Variants in CARMIL1 observed in about 807,000 individuals in gnomAD.
CARMIL1 encodes F-actin-uncapping protein LRRC16A.
In CARMIL1, 90 loss-of-function variants were observed where a neutral mutation model predicts 177.1. The observed-to-expected ratio is 0.51, with a 90% confidence interval of 0.43 to 0.61. CARMIL1 has a LOEUF of 0.61. CARMIL1 is among the 20% of genes least tolerant of loss of function. The probability of loss-of-function intolerance (pLI) is 0.00; values close to 1 mark genes in which losing one functional copy is unlikely to be tolerated. For missense variants in CARMIL1, 1,380 were observed against 1,667.0 expected, an observed-to-expected ratio of 0.83 and a Z score of 3.00; for synonymous variants, 577 against 606.2, an observed-to-expected ratio of 0.95 and a Z score of 0.71.
chr6:25,523,332 T>A (rs768784139), intron 23 of CARMIL1, among the ~76,000 whole-genome samples: 1 of 152,214 alleles, frequency 6.6e-6, no homozygotes. Context: ...GCTGACAATA[T>A]GTAATTCTTA....
intron 8 of CARMIL1, chr6:25,452,283 A>C: frequency 1.3e-6 from 1 of 755,430 alleles, no homozygotes; most frequent in Non-Finnish European, 2.4e-6. Flanking sequence ...AGGCAACTTT[A>C]TACTTTCAAA....
At chr6:25,415,661 A>G (rs1008253667) in intron 2 of CARMIL1, among the ~76,000 whole-genome samples, 2 of 152,194 alleles carry the variant, frequency 1.3e-5, no homozygotes, top group Non-Finnish European at 2.9e-5. Flanking sequence ...TAATCACTTA[A>G]TAGCCAATAT....
intron 29 of CARMIL1, among the ~76,000 whole-genome samples, chr6:25,576,377 C>T (rs1812587976): frequency 6.6e-6 from 1 of 152,142 alleles, no homozygotes; most frequent in South Asian, 2.1e-4. Flanking sequence ...GTAACTTGTG[C>T]TGAATCCTGT....
intron 2 of CARMIL1, among the ~76,000 whole-genome samples, chr6:25,374,426 G>T (rs1412924093): frequency 6.6e-6 from 1 of 152,114 alleles, no homozygotes; most frequent in Non-Finnish European, 1.5e-5. Context: ...ATTTATCAAG[G>T]CTTGTTTTGT....
intron 2 of CARMIL1, among the ~76,000 whole-genome samples, chr6:25,330,424 G>C (rs901817138): frequency 3.3e-5 from 5 of 152,224 alleles, no homozygotes; most frequent in African/African-American, 1.2e-4. Flanking sequence ...CAGGGAAGAA[G>C]GGGAGAGATG....
In CARMIL1 at chr6:25,601,288, C is replaced by T. The variant is rs943624974; in HGVS notation, c.3552+542C>T. On this transcript the variant is annotated intron_variant, in intron 33 of 36. Transcript: ENST00000329474. ...TGAGGGTCACAGTCTTGTGGAGTGC[C>T]GGCATTCTAACATAGGCTTTGAAGA... is the stretch of plus-strand genomic sequence containing the variant. 9.9e-5 allele frequency among the ~76,000 whole-genome samples: 15 copies of T among 152,278 alleles called. No individual in the cohort carries two copies. In the South Asian group the frequency reaches 1.2e-3, roughly 13 times the overall value.
At chr6:25,512,503 G>T (rs185908823) in intron 20 of CARMIL1, among the ~76,000 whole-genome samples, 63 of 152,234 alleles carry the variant, frequency 4.1e-4, no homozygotes, top group African/African-American at 1.3e-3. Context: ...ATTAGGAGAT[G>T]AGTCTTGTGA....
At chr6:25,494,965 T>C in intron 15 of CARMIL1, 146 bp from the exon 16 acceptor site, 1 of 571,836 alleles carries the variant, frequency 1.7e-6, no homozygotes, top group Non-Finnish European at 3.1e-6. Context: ...TTTATGGCTT[T>C]AGGTTTTGGA....
At chr6:25,604,614 C>T (rs544418844) in intron 33 of CARMIL1, among the ~76,000 whole-genome samples, 198 bp from the exon 34 acceptor site, 54 of 152,280 alleles carry the variant, frequency 3.5e-4, no homozygotes, top group Admixed American at 1.1e-3. Context: ...GAGTCCTGAC[C>T]GTAAACACAG....
At chr6:25,483,262 C>A (rs1323882437) in intron 12 of CARMIL1, among the ~76,000 whole-genome samples, 2 of 149,632 alleles carry the variant, frequency 1.3e-5, no homozygotes, top group Non-Finnish European at 3.0e-5. Context: ...CTTAAGAAAG[C>A]CACTGTCTTT....
rs370432106 is a variant in CARMIL1 at position 25,471,162 on chromosome 6, G to T, written c.691-7G>T. On this transcript the variant is annotated splice_region_variant and splice_polypyrimidine_tract_variant and intron_variant, in intron 9 of 36. Coordinates refer to ENST00000329474, the MANE Select transcript of CARMIL1 (RefSeq NM_017640.6). ...ATGGAATAGTCAAAGAATGTTTTCT[G>T]TTACAGTCCACTGATGTCTGTGAAC... 5 of 1,585,932 alleles carry T rather than the reference G, an allele frequency of 3.2e-6. No individual in the cohort carries two copies. Among genetic ancestry groups the T allele is most frequent in the Admixed American group, 1.8e-5 (1 of 56,838 alleles).
At position 25,449,936 on chromosome 6, in the gene CARMIL1, G is replaced by A. The variant is rs555687744; in HGVS notation, c.410G>A (p.Arg137His). The change falls in exon 6 of 37, where the codon CGC becomes CAC. Residue 137 changes from arginine (R) to histidine (H), a missense_variant. Coordinates refer to ENST00000329474, the MANE Select transcript of CARMIL1 (RefSeq NM_017640.6). Reference sequence around the variant, plus strand: ...AAAGTCTCCATGGAGCCATCTGAGCGCCTGGCTAGTCTCCAGGCGCTGTGG... The same window carrying A: ...AAAGTCTCCATGGAGCCATCTGAGCACCTGGCTAGTCTCCAGGCGCTGTGG... The part of the protein sequence containing the change: ...MKKVSMEPSE[R>H]LASLQALWDS... The A allele has an allele frequency of 5.0e-5, 80 of 1,611,528 alleles. No individual in the cohort carries two copies. The highest frequency in any genetic ancestry group is 1.7e-4 in the Middle Eastern group (1 of 6,046).
chr6:25,532,696 G>A (rs1807891223), intron 24 of CARMIL1, among the ~76,000 whole-genome samples: 1 of 152,142 alleles, frequency 6.6e-6, no homozygotes, highest in Non-Finnish European at 1.5e-5. Context: ...ATTTGTTTTT[G>A]TCTGGTGACT....
At chr6:25,441,337 A>ATATATATATATATATATATATATATG in intron 5 of CARMIL1, among the ~76,000 whole-genome samples, 10 of 94,538 alleles carry the variant, frequency 1.1e-4, no homozygotes, top group African/African-American at 3.9e-4. Flanking sequence ...ATATATATAT[A>ATATATATATATATATATATATATATG]TGTGTGTGTG....
chr6:25,592,891 T>A (rs1313546952), intron 31 of CARMIL1, among the ~76,000 whole-genome samples: 1 of 152,172 alleles, frequency 6.6e-6, no homozygotes, highest in African/African-American at 2.4e-5. Context: ...CCACAACCTA[T>A]CTGTGAAATA....
chr6:25,386,257 T>G (rs762431000), intron 2 of CARMIL1, among the ~76,000 whole-genome samples: 4 of 152,164 alleles, frequency 2.6e-5, no homozygotes, highest in Non-Finnish European at 5.9e-5. Context: ...TGTGTGTGTG[T>G]GGGGTGGGTG....
chr6:25,434,144 G>A (rs556770809), intron 4 of CARMIL1, among the ~76,000 whole-genome samples: 19 of 152,188 alleles, frequency 1.2e-4, no homozygotes, highest in African/African-American at 3.9e-4. Flanking sequence ...TCAAGCAATC[G>A]TCCTGCCTCA....
intron 17 of CARMIL1, among the ~76,000 whole-genome samples, chr6:25,505,460 T>C (rs954254025): frequency 5.5e-4 from 83 of 152,088 alleles, no homozygotes; most frequent in African/African-American, 1.9e-3. Context: ...CATTCTCTCT[T>C]TTTTTTAATT....
At position 25,465,928 on chromosome 6, in the gene CARMIL1, T is replaced by C; in HGVS notation, c.670T>C (p.Ser224Pro). The change falls in exon 9 of 37, where the codon TCC (serine) becomes CCC (proline). Residue 224 changes from serine to proline, a missense_variant. Transcript: ENST00000329474. ...LEYNQWFTKL[S>P]SKDLKLSTDV... ...ATATAATCAGTGGTTCACAAAACTG[T>C]CCTCTAAGGATCTAAAACTGGTAAG... 6 of 1,611,336 alleles carry C rather than the reference T, an allele frequency of 3.7e-6. No individual in the cohort carries two copies. The highest frequency in any genetic ancestry group is 5.1e-6 in the Non-Finnish European group (6 of 1,177,584).
Sources: allele counts gnomAD v4.1 joint callset (sites outside exome capture counted in the v4.1 genomes callset), GRCh38; gene constraint gnomAD v4.1.1; transcripts MANE v1.5; gene names NCBI Gene and HGNC (gene_info 2026-07-23, HGNC 2026-07-21).